Variants in PRICKLE1 observed in about 807,000 individuals in gnomAD.
PRICKLE1 encodes prickle-like protein 1.
In PRICKLE1, 14 loss-of-function variants were observed where a neutral mutation model predicts 70.2. That is an observed-to-expected ratio of 0.20 (90% CI 0.13 to 0.31). The LOEUF is 0.31. PRICKLE1 is among the 10% of genes least tolerant of loss of function. The pLI is 1.00. For missense variants in PRICKLE1, 821 were observed against 1,026.2 expected (o/e 0.80, Z 2.73); for synonymous variants, 357 against 379.9 (o/e 0.94, Z 0.70).
Position 42,535,969 on chromosome 12 carries a change from A to G in PRICKLE1, c.-49+53496T>C, listed in dbSNP as rs1003838292. 4.6e-5 allele frequency among the ~76,000 whole-genome samples: 7 copies of G among 152,174 alleles called. No individual in the cohort carries two copies. The South Asian group carries it at 1.5e-3, about 32-fold the overall frequency. Reference sequence around the variant, plus strand: ...CATCAGCTACTCTAGAGGGCAAAGGAAGGAAGCACAGGCTGGTACACTCAC... The same window carrying G: ...CATCAGCTACTCTAGAGGGCAAAGGGAGGAAGCACAGGCTGGTACACTCAC... On this transcript the variant is annotated intron_variant, in intron 1 of 7. Transcript: ENST00000345127.
intron 2 of PRICKLE1, among the ~76,000 whole-genome samples, chr12:42,471,184 C>T (rs1335009175): frequency 6.6e-6 from 1 of 152,156 alleles, no homozygotes; most frequent in African/African-American, 2.4e-5. Flanking sequence ...TTCTGAATAC[C>T]TGAAGTCAGC....
At chr12:42,501,404 G>A (rs1420091793) in intron 1 of PRICKLE1, among the ~76,000 whole-genome samples, 1 of 151,336 alleles carries the variant, frequency 6.6e-6, no homozygotes, top group African/African-American at 2.4e-5. Flanking sequence ...CAGCTACTCA[G>A]GAGGCTGAGG....
At chr12:42,567,100 C>A (rs899869043) in intron 1 of PRICKLE1, among the ~76,000 whole-genome samples, 2 of 152,208 alleles carry the variant, frequency 1.3e-5, no homozygotes, top group Non-Finnish European at 2.9e-5. Context: ...CCATTGTACC[C>A]TTGTCTAAAG....
intron 1 of PRICKLE1, among the ~76,000 whole-genome samples, chr12:42,578,331 TG>T (rs1330943931): frequency 1.2e-4 from 18 of 152,334 alleles, no homozygotes; most frequent in African/African-American, 4.1e-4. Flanking sequence ...CTGTCATCCA[TG>T]TTTTAACATA....
At chr12:42,537,716 C>T (rs1264152077) in intron 1 of PRICKLE1, among the ~76,000 whole-genome samples, 2 of 152,198 alleles carry the variant, frequency 1.3e-5, no homozygotes, top group East Asian at 1.9e-4. Context: ...GATTAGCAAA[C>T]TACGCTCTCC....
At chr12:42,511,795 G>A (rs564813918) in intron 1 of PRICKLE1, among the ~76,000 whole-genome samples, 1 of 152,224 alleles carries the variant, frequency 6.6e-6, no homozygotes, top group South Asian at 2.1e-4. Context: ...CTGGAACAAA[G>A]GTTTACTTGA....
rs1037145887 is a variant in PRICKLE1, at chr12:42,500,317, A to G, written c.-48-27753T>C. Among the ~76,000 whole-genome samples the G allele has an allele frequency of 2.6e-5, 4 of 152,342 alleles. No homozygotes were observed. In the East Asian group the frequency reaches 5.8e-4, roughly 22 times the overall value. Reference sequence around the variant, plus strand: ...TAGATACAAAATCATTTTATTGTCCAAATACAACAAAACTAGCCTGTATTT... The same window carrying G: ...TAGATACAAAATCATTTTATTGTCCGAATACAACAAAACTAGCCTGTATTT... On this transcript the variant is annotated intron_variant, in intron 1 of 7. Transcript: ENST00000345127.
intron 1 of PRICKLE1, among the ~76,000 whole-genome samples, chr12:42,567,225 G>A (rs1215543170): frequency 6.6e-5 from 10 of 152,136 alleles, no homozygotes; most frequent in Non-Finnish European, 1.3e-4. Flanking sequence ...CATATTCTGT[G>A]CCAGGTATTC....
Position 42,464,929 on chromosome 12 carries a change from C to T in PRICKLE1, c.1105G>A (p.Asp369Asn). Residue 369 changes from aspartate (D) to asparagine (N), a missense_variant, in exon 7 of 8, where the codon GAC becomes AAC. Asp to Asn is a conservative substitution (Grantham distance 23, BLOSUM62 1). Coordinates refer to ENST00000345127, the MANE Select transcript of PRICKLE1 (RefSeq NM_153026.3). The surrounding 1 kb of genome is among the most constrained non-coding windows in gnomAD (Gnocchi z 4.2). Reference protein sequence around the residue: ...KFPGLSGNADDTLSRKLDDLS... With the variant: ...KFPGLSGNADNTLSRKLDDLS... ...TCATCCAATTTTCGAGAAAGGGTGTCATCAGCATTGCCTGAGAGGCCAGGA... is the reference window on the plus strand; with the variant it reads ...TCATCCAATTTTCGAGAAAGGGTGTTATCAGCATTGCCTGAGAGGCCAGGA... 1 of 1,614,144 alleles carries T rather than the reference C, an allele frequency of 6.2e-7. No homozygotes were observed. Among genetic ancestry groups the T allele is most frequent in the Non-Finnish European group, 8.5e-7 (1 of 1,180,030 alleles).
intron 1 of PRICKLE1, among the ~76,000 whole-genome samples, chr12:42,573,337 G>T (rs996138879): frequency 1.3e-5 from 2 of 152,040 alleles, no homozygotes; most frequent in African/African-American, 2.4e-5. Flanking sequence ...ACAATTCTGC[G>T]CTGGGCTGCT....
chr12:42,493,696 T>A (rs748871212), intron 1 of PRICKLE1, among the ~76,000 whole-genome samples: 13 of 151,988 alleles, frequency 8.6e-5, no homozygotes, highest in Admixed American at 6.6e-5. Flanking sequence ...TCTTTCTATC[T>A]TTTAAATTTT....
At position 42,502,316 on chromosome 12, in the gene PRICKLE1, C is replaced by CTTTTCT. The variant is rs565207695; in HGVS notation, c.-48-29753_-48-29752insAGAAAA. Among the ~76,000 whole-genome samples, 9 of 129,974 alleles carry CTTTTCT rather than the reference C, an allele frequency of 6.9e-5. No individual in the cohort carries two copies. In the East Asian group the frequency reaches 1.6e-3, roughly 23 times the overall value. The allele number at this position is 129,974 out of a possible 152,430, so 85.3% of individuals were successfully genotyped here. A position where few individuals can be genotyped will look rare whatever the true frequency, so the allele number is the denominator to read the frequency against. On this transcript the variant is annotated intron_variant, in intron 1 of 7. Coordinates refer to ENST00000345127, the MANE Select transcript of PRICKLE1 (RefSeq NM_153026.3). ...ATTTGTTTTTCTTTTCTTTTCTTTT[C>CTTTTCT]TTTTTTTTTGAGACAGGGTCTCATT...
intron 1 of PRICKLE1, among the ~76,000 whole-genome samples, chr12:42,553,874 G>C (rs948991204): frequency 2.0e-5 from 3 of 152,058 alleles, no homozygotes; most frequent in African/African-American, 7.2e-5. Context: ...AGGCTGAGAC[G>C]GGCGGATCAC....
chr12:42,463,151 C>T (rs1044215119), intron 7 of PRICKLE1, among the ~76,000 whole-genome samples: 4 of 150,758 alleles, frequency 2.7e-5, no homozygotes, highest in African/African-American at 4.9e-5. Flanking sequence ...ATTAGCTGGG[C>T]GTGGTGGCAG....
At chr12:42,560,103 A>AATAATTATT (rs573420910) in intron 1 of PRICKLE1, among the ~76,000 whole-genome samples, 17 of 139,894 alleles carry the variant, frequency 1.2e-4, no homozygotes, top group East Asian at 4.3e-4. Context: ...AATCTCCTTT[A>AATAATTATT]ATTATTATTA....
At chr12:42,533,399 A>G (rs2120558757) in intron 1 of PRICKLE1, among the ~76,000 whole-genome samples, 1 of 152,310 alleles carries the variant, frequency 6.6e-6, no homozygotes, top group African/African-American at 2.4e-5. Context: ...TGCGTTTCAT[A>G]CCAGTGAGTA....
At chr12:42,508,097 A>C (rs1939449789) in intron 1 of PRICKLE1, among the ~76,000 whole-genome samples, 1 of 152,178 alleles carries the variant, frequency 6.6e-6, no homozygotes, top group East Asian at 1.9e-4. Context: ...GAACTCATGA[A>C]AAGATAATTC....
At chr12:42,555,915 AG>A (rs1392801621) in intron 1 of PRICKLE1, among the ~76,000 whole-genome samples, 1 of 152,218 alleles carries the variant, frequency 6.6e-6, no homozygotes, top group Non-Finnish European at 1.5e-5. Flanking sequence ...GAGAGTAAAA[AG>A]AATTATGCCT....
intron 1 of PRICKLE1, among the ~76,000 whole-genome samples, chr12:42,581,347 A>C (rs773078532): frequency 3.9e-5 from 6 of 152,036 alleles, no homozygotes; most frequent in South Asian, 2.1e-4. Flanking sequence ...TTAAAAAAAA[A>C]CTGGCTTTTT....
Sources: allele counts gnomAD v4.1 joint callset (sites outside exome capture counted in the v4.1 genomes callset), GRCh38; gene constraint gnomAD v4.1.1; non-coding constraint Gnocchi (gnomAD v3.1); transcripts MANE v1.5; gene names NCBI Gene and HGNC (gene_info 2026-07-23, HGNC 2026-07-21).